The following WDPCP variants were observed in gnomAD, a reference collection of about 807,000 sequenced individuals.
WDPCP encodes WD repeat containing planar cell polarity effector, also known as WD repeat-containing and planar cell polarity effector protein fritz homolog.
Under a neutral mutation model 93.1 loss-of-function variants are expected in WDPCP, and 71 were observed. The observed-to-expected ratio is 0.76, with a 90% CI of 0.63 to 0.93. WDPCP has a LOEUF of 0.93. Among genes scored for constraint, WDPCP ranks in the 40% least tolerant of loss-of-function variants. The pLI, the probability that WDPCP is intolerant of heterozygous loss-of-function variation, is 0.00. For synonymous variants in WDPCP, 315 were observed against 315.0 expected (o/e 1.00, Z 0.00); for missense variants, 844 against 887.4 (o/e 0.95, Z 0.62).
At chr2:63,700,325 A>G (rs1669029051) in intron 2 of WDPCP, among the ~76,000 whole-genome samples, 1 of 151,418 alleles carries the variant, frequency 6.6e-6, no homozygotes, top group East Asian at 1.9e-4. Context: ...AAAGAAAAAA[A>G]TGCTGTGCTA....
chr2:63,318,921 C>T (rs1686873284), intron 12 of WDPCP, among the ~76,000 whole-genome samples: 1 of 151,806 alleles, frequency 6.6e-6, no homozygotes, highest in Non-Finnish European at 1.5e-5. Flanking sequence ...ACCCTTGACC[C>T]TAAAAGTGCA....
chr2:63,578,641 C>A (rs548874466), intron 1 of WDPCP, among the ~76,000 whole-genome samples: 1 of 152,168 alleles, frequency 6.6e-6, no homozygotes, highest in Non-Finnish European at 1.5e-5. Context: ...CAGCGATGAA[C>A]TCCCAGGCCA....
chr2:63,809,017 A>G (rs191442821), intron 2 of WDPCP, among the ~76,000 whole-genome samples: 6,448 of 140,132 alleles, frequency 0.046, 274 homozygotes, highest in African/African-American at 0.12. Flanking sequence ...TGTGAGGAGC[A>G]CCTCTACCCG....
chr2:63,285,428 C>A (rs1258312199), intron 13 of WDPCP, among the ~76,000 whole-genome samples: 3 of 135,834 alleles, frequency 2.2e-5, no homozygotes, highest in African/African-American at 5.5e-5. Flanking sequence ...AGTGAGACTC[C>A]ATCTCAAAAA....
intron 1 of WDPCP, among the ~76,000 whole-genome samples, chr2:63,524,996 A>G (rs1703218233): frequency 6.6e-6 from 1 of 152,204 alleles, no homozygotes; most frequent in South Asian, 2.1e-4. Context: ...AATCAACCTA[A>G]AAGTTCATCA....
chr2:63,175,740 C>T (rs1005085420), intron 14 of WDPCP, among the ~76,000 whole-genome samples: 2 of 152,112 alleles, frequency 1.3e-5, no homozygotes, highest in African/African-American at 4.8e-5. Flanking sequence ...CAAGGTTTAT[C>T]CGTGTTGTAG....
intron 13 of WDPCP, among the ~76,000 whole-genome samples, chr2:63,276,737 G>T (rs1403859617): frequency 1.3e-5 from 2 of 152,146 alleles, no homozygotes; most frequent in African/African-American, 2.4e-5. Context: ...TTTGTTAAGT[G>T]TCCAAACCTA....
intron 12 of WDPCP, among the ~76,000 whole-genome samples, chr2:63,314,290 G>A (rs1050485270): frequency 2.0e-5 from 3 of 151,536 alleles, no homozygotes; most frequent in Non-Finnish European, 2.9e-5. Flanking sequence ...CTTCAGCCCC[G>A]CCAAGTAGCT....
chr2:63,408,601 G>C (rs1694782975), intron 9 of WDPCP, among the ~76,000 whole-genome samples: 1 of 152,122 alleles, frequency 6.6e-6, no homozygotes, highest in Non-Finnish European at 1.5e-5. Context: ...TCCACAGCCA[G>C]GGGGAGAAGC....
intron 6 of WDPCP, among the ~76,000 whole-genome samples, chr2:63,472,455 A>G (rs1699750356): frequency 6.6e-6 from 1 of 151,844 alleles, no homozygotes; most frequent in African/African-American, 2.4e-5. Flanking sequence ...GTTCATTATC[A>G]TGTCCCTTTG....
At chr2:63,697,963 T>G (rs1022954086) in intron 2 of WDPCP, among the ~76,000 whole-genome samples, 6 of 149,088 alleles carry the variant, frequency 4.0e-5, no homozygotes, top group Non-Finnish European at 5.9e-5. Context: ...GACTTTTTTT[T>G]TTTAAGATAG....
intron 3 of WDPCP, among the ~76,000 whole-genome samples, chr2:63,631,279 CAAAA>C (rs1426092437): frequency 6.6e-6 from 1 of 151,802 alleles, no homozygotes; most frequent in Admixed American, 6.6e-5. Flanking sequence ...GACTCCATCT[CAAAA>C]TAAATTTTAA....
intron 14 of WDPCP, among the ~76,000 whole-genome samples, chr2:63,218,685 A>G (rs1261850278): frequency 6.6e-6 from 1 of 151,944 alleles, no homozygotes; most frequent in African/African-American, 2.4e-5. Flanking sequence ...GTGCGACACT[A>G]CGCCCAGCTA....
chr2:63,228,499 G>A (rs1174696584), intron 14 of WDPCP: 2 of 144,592 alleles, frequency 1.4e-5, no homozygotes, highest in Non-Finnish European at 3.0e-5. Flanking sequence ...TGTTACATAT[G>A]TATACATGTG....
chr2:63,170,214 C>A (rs574461984), intron 15 of WDPCP, among the ~76,000 whole-genome samples: 1 of 151,410 alleles, frequency 6.6e-6, no homozygotes, highest in Non-Finnish European at 1.5e-5. Flanking sequence ...GTGTCTTCTT[C>A]CATCCCTCCC....
intron 9 of WDPCP, among the ~76,000 whole-genome samples, chr2:63,410,749 A>G (rs1694962757): frequency 6.6e-6 from 1 of 152,214 alleles, no homozygotes; most frequent in Non-Finnish European, 1.5e-5. Context: ...CTATTCTTAT[A>G]TCAGACAAAA....
intron 9 of WDPCP, among the ~76,000 whole-genome samples, chr2:63,415,258 G>T (rs1695331377): frequency 1.3e-5 from 2 of 152,116 alleles, no homozygotes; most frequent in African/African-American, 4.8e-5. Context: ...AGCTACTCAG[G>T]AGGCTGAGGT....
intron 13 of WDPCP, among the ~76,000 whole-genome samples, chr2:63,274,596 AATAAG>A (rs1416032531): frequency 9.2e-5 from 14 of 152,246 alleles, no homozygotes; most frequent in Admixed American, 3.3e-4. Flanking sequence ...GAAAAGCTGA[AATAAG>A]ATCAGAAAGG....
chr2:63,445,152 A>T (rs1338856021), intron 6 of WDPCP, among the ~76,000 whole-genome samples: 1 of 139,350 alleles, frequency 7.2e-6, no homozygotes, highest in East Asian at 3.3e-4. Flanking sequence ...TCAGTAAGTT[A>T]AAAAAAAACA....
Sources: allele counts gnomAD v4.1 joint callset (sites outside exome capture counted in the v4.1 genomes callset), GRCh38; gene constraint gnomAD v4.1.1; transcripts MANE v1.5; gene names NCBI Gene and HGNC (gene_info 2026-07-23, HGNC 2026-07-21).